TCF12: variants seen among roughly 807,000 people sequenced by gnomAD.
TCF12 encodes the protein transcription factor 12, also known as DNA-binding protein HTF4.
In TCF12, 45 loss-of-function variants were observed where a neutral mutation model predicts 86.0. The observed-to-expected ratio is 0.52, with a 90% CI of 0.41 to 0.67. The LOEUF is 0.67. Among genes scored for constraint, TCF12 ranks in the 30% least tolerant of loss-of-function variants. The pLI, the probability that TCF12 is intolerant of heterozygous loss-of-function variation, is 0.00. For synonymous variants in TCF12, 330 were observed against 299.6 expected (o/e 1.10, Z -1.05); for missense variants, 881 against 859.9 (o/e 1.02, Z -0.31).
chr15:57,080,800 A>G (rs1232808574), intron 4 of TCF12, among the ~76,000 whole-genome samples: 1 of 152,194 alleles, frequency 6.6e-6, no homozygotes, highest in African/African-American at 2.4e-5. Context: ...TATAATTGCC[A>G]AATCATTATC....
At chr15:57,252,669 C>A (rs997697882) in intron 15 of TCF12, among the ~76,000 whole-genome samples, 177 bp downstream of exon 15, 2 of 152,114 alleles carry the variant, frequency 1.3e-5, no homozygotes, top group Non-Finnish European at 2.9e-5. Context: ...TGAAAGTGAT[C>A]CTTTTTAAAA....
chr15:57,019,510 TATG>T (rs201031298), intron 3 of TCF12, among the ~76,000 whole-genome samples: 13 of 152,006 alleles, frequency 8.6e-5, no homozygotes, highest in African/African-American at 2.9e-4. Flanking sequence ...TAATGGGTAA[TATG>T]GTGGCCAGGA....
chr15:57,013,191 C>G (rs1332170990), intron 3 of TCF12, among the ~76,000 whole-genome samples: 1 of 152,146 alleles, frequency 6.6e-6, no homozygotes, highest in Admixed American at 6.5e-5. Flanking sequence ...ATCAGACTTT[C>G]ATTTATCCAG....
At position 57,185,141 on chromosome 15, in the gene TCF12, T is replaced by C. The variant is rs190787945; in HGVS notation, c.391-7017T>C. Among the ~76,000 whole-genome samples the C allele has an allele frequency of 2.6e-3, 393 of 152,324 alleles. 8 individuals are homozygous for C. Among genetic ancestry groups the C allele is most frequent in the Admixed American group, 0.023 (353 of 15,290 alleles). Reference sequence around the variant, plus strand: ...AATTGAAATTGTCTTCTCTCTACTTTCCTCCTTTATAAGGGAATGTATCAG... The same window carrying C: ...AATTGAAATTGTCTTCTCTCTACTTCCCTCCTTTATAAGGGAATGTATCAG... On this transcript the variant is annotated intron_variant, in intron 6 of 20. Transcript: ENST00000333725.
chr15:57,046,904 CA>C (rs779835175), intron 3 of TCF12, among the ~76,000 whole-genome samples: 100 of 152,316 alleles, frequency 6.6e-4, no homozygotes, highest in Non-Finnish European at 1.1e-3. Flanking sequence ...CAGCTCTGAA[CA>C]ATACATAAAC....
chr15:57,130,897 T>G (rs563366169), intron 5 of TCF12, among the ~76,000 whole-genome samples: 86 of 152,330 alleles, frequency 5.6e-4, no homozygotes, highest in African/African-American at 2.0e-3. Flanking sequence ...AGGTAACTGG[T>G]CCAAAAGTCA....
chr15:56,923,732 ATTGT>A (rs1212569937), intron 3 of TCF12, among the ~76,000 whole-genome samples: 3 of 152,014 alleles, frequency 2.0e-5, no homozygotes, highest in Non-Finnish European at 4.4e-5. Flanking sequence ...TTTTTAGTAG[ATTGT>A]TTGTATGATA....
intron 12 of TCF12, among the ~76,000 whole-genome samples, chr15:57,235,737 T>C (rs2059354111): frequency 6.6e-6 from 1 of 152,212 alleles, no homozygotes; most frequent in African/African-American, 2.4e-5. Context: ...ATTTGAACTT[T>C]CAGTGCTAGA....
intron 5 of TCF12, among the ~76,000 whole-genome samples, chr15:57,161,886 A>G (rs1174562072): frequency 2.0e-5 from 3 of 152,224 alleles, no homozygotes; most frequent in Non-Finnish European, 4.4e-5. Flanking sequence ...GTGTTAATAA[A>G]TTACAGGAAA....
chr15:56,923,292 A>G (rs2059871960), intron 3 of TCF12, among the ~76,000 whole-genome samples: 1 of 152,062 alleles, frequency 6.6e-6, no homozygotes. Flanking sequence ...ATAGCATGTG[A>G]TGTTATCTTT....
chr15:57,092,596 T>G (rs2049059395), intron 5 of TCF12, among the ~76,000 whole-genome samples: 1 of 151,976 alleles, frequency 6.6e-6, no homozygotes, highest in Admixed American at 6.6e-5. Context: ...TTTTTTCAGT[T>G]TGAATACCAT....
In TCF12 at chr15:57,263,289, C is replaced by G. The variant is rs1401269533; in HGVS notation, c.1745+15C>G. On this transcript the variant is annotated intron_variant, in intron 18 of 20. Transcript: ENST00000333725. The stretch of plus-strand genomic sequence containing the variant: ...GGCAGAACAAGGTATTTGTTAGCAT[C>G]CAGGTTTTAAATTTTATTCATTTTC... The G allele has an allele frequency of 6.3e-7, 1 of 1,591,694 alleles. No homozygotes were observed. Among genetic ancestry groups the G allele is most frequent in the South Asian group, 1.2e-5 (1 of 86,008 alleles).
intron 3 of TCF12, among the ~76,000 whole-genome samples, chr15:57,010,336 C>T (rs947089603): frequency 5.9e-5 from 9 of 151,972 alleles, no homozygotes; most frequent in African/African-American, 2.2e-4. Context: ...TTGCTTGAGG[C>T]CAGGAGTTCA....
chr15:57,225,318 C>T (rs1156359353), intron 8 of TCF12, among the ~76,000 whole-genome samples: 9 of 142,676 alleles, frequency 6.3e-5, no homozygotes, highest in Admixed American at 3.8e-4. Flanking sequence ...CAGCTCACTG[C>T]AAGCTCCGCC....
At chr15:56,925,106 G>A (rs556262733) in intron 3 of TCF12, among the ~76,000 whole-genome samples, 66 of 152,184 alleles carry the variant, frequency 4.3e-4, no homozygotes, top group African/African-American at 1.5e-3. Flanking sequence ...GGCTGGGGTG[G>A]GAGAATTGCT....
chr15:57,138,453 G>T (rs367869679), intron 5 of TCF12, among the ~76,000 whole-genome samples: 3 of 152,234 alleles, frequency 2.0e-5, no homozygotes. Flanking sequence ...GGGTTTGCCT[G>T]GGGAGTCTGC....
chr15:56,949,084 A>G (rs2061146828), intron 3 of TCF12, among the ~76,000 whole-genome samples: 1 of 152,240 alleles, frequency 6.6e-6, no homozygotes, highest in African/African-American at 2.4e-5. Context: ...GTTGTTAACT[A>G]TAAAAAATAC....
chr15:56,942,774 ATTTC>A (rs1418014532), intron 3 of TCF12, among the ~76,000 whole-genome samples: 3 of 151,996 alleles, frequency 2.0e-5, no homozygotes, highest in African/African-American at 7.2e-5. Context: ...ATTCCTTTCC[ATTTC>A]TTTCTTTAAA....
intron 5 of TCF12, among the ~76,000 whole-genome samples, chr15:57,142,719 A>G (rs2053068916): frequency 6.6e-6 from 1 of 152,230 alleles, no homozygotes; most frequent in Non-Finnish European, 1.5e-5. Flanking sequence ...GAGGAGCCTT[A>G]GCAGACACCA....
Sources: allele counts gnomAD v4.1 joint callset (sites outside exome capture counted in the v4.1 genomes callset), GRCh38; gene constraint gnomAD v4.1.1; transcripts MANE v1.5; gene names NCBI Gene and HGNC (gene_info 2026-07-23, HGNC 2026-07-21).